The following PLG variants were observed in gnomAD, a reference collection of about 807,000 sequenced individuals.
The protein encoded by PLG is plasminogen.
A neutral mutation model predicts 104.4 loss-of-function variants in PLG; 41 were observed. The observed-to-expected ratio is 0.39, with a 90% CI of 0.31 to 0.51. The LOEUF (loss-of-function observed/expected upper bound fraction) is 0.51. Ranked by LOEUF, PLG falls within the 20% of genes least tolerant of loss-of-function variation. The probability of loss-of-function intolerance (pLI) is 0.76; values close to 1 mark genes in which losing one functional copy is unlikely to be tolerated. For synonymous variants in PLG, 337 were observed against 357.1 expected (o/e 0.94, Z 0.63); for missense variants, 891 against 1,003.6 (o/e 0.89, Z 1.52).
chr6:160,724,538 G>GA lies in PLG; in HGVS notation c.1256+1978dup, dbSNP rs2115168793. On this transcript the variant is annotated intron_variant, in intron 10 of 18. Coordinates refer to ENST00000308192, the MANE Select transcript of PLG (RefSeq NM_000301.5). This position sits in a 1 kb window ranked among gnomAD's most constrained non-coding sequence, Gnocchi z 5.0. Reference sequence around the variant, plus strand: ...AAGAGAGGAAAGAGATATTGGGACAGAAAAAAATACTTGAAGCAACAAGAA... The same window carrying GA: ...AAGAGAGGAAAGAGATATTGGGACAGAAAAAAAATACTTGAAGCAACAAGAA... 6.6e-6 allele frequency among the ~76,000 whole-genome samples: 1 copy of GA among 152,100 alleles called. No homozygotes were observed. The highest frequency in any genetic ancestry group is 1.9e-4 in the East Asian group (1 of 5,174).
chr6:160,748,421 A>AGAAAGAAAGG (rs1778330567), intron 17 of PLG, among the ~76,000 whole-genome samples: 1 of 102,598 alleles, frequency 9.7e-6, no homozygotes, highest in African/African-American at 3.5e-5. Flanking sequence ...AGAAAGGGAA[A>AGAAAGAAAGG]GAAAGAGAAC....
chr6:160,728,529 A>C (rs1305273463), intron 10 of PLG, among the ~76,000 whole-genome samples: 5 of 152,124 alleles, frequency 3.3e-5, no homozygotes, highest in Non-Finnish European at 5.9e-5. Context: ...TACAGTAAAC[A>C]AGATATGTGG....
At chr6:160,733,136 G>A (rs542759930) in intron 12 of PLG, among the ~76,000 whole-genome samples, 11 of 152,288 alleles carry the variant, frequency 7.2e-5, no homozygotes, top group African/African-American at 1.2e-4. Context: ...TAGGAGCTCC[G>A]TGTCAGGAAC....
chr6:160,711,026 T>A (rs779546681), intron 3 of PLG, 51 bp from the exon 4 acceptor site: 1 of 1,594,812 alleles, frequency 6.3e-7, no homozygotes. Flanking sequence ...GTGCAGACCT[T>A]CATGTGGTGT....
At position 160,740,044 on chromosome 6, in the gene PLG, G is replaced by C. The variant is rs200958073; in HGVS notation, c.2018+836G>C. Among the ~76,000 whole-genome samples the C allele has an allele frequency of 2.6e-5, 4 of 152,284 alleles. No individual in the cohort carries two copies. The highest frequency in any genetic ancestry group is 5.9e-5 in the Non-Finnish European group (4 of 68,016). On this transcript the variant is annotated intron_variant, in intron 16 of 18. Transcript: ENST00000308192. This position sits in a 1 kb window ranked among gnomAD's most constrained non-coding sequence, Gnocchi z 5.2. The stretch of plus-strand genomic sequence containing the variant: ...AGGTTTGGGACAGGTGACAAGGCAC[G>C]CAGGGCGCTCGCTGTGCTGGTGGTT...
In PLG at chr6:160,719,344, T is replaced by C. The variant is rs574252029; in HGVS notation, c.1096+506T>C. Among the ~76,000 whole-genome samples, 14 of 152,344 alleles carry C rather than the reference T, an allele frequency of 9.2e-5. No homozygotes were observed. Among genetic ancestry groups the C allele is most frequent in the African/African-American group, 3.4e-4 (14 of 41,578 alleles). ...TCTTTATGTAATGTTTCTTCTTATC[T>C]CTGGGAATATTTCTTCTTCTGAAGT... On this transcript the variant is annotated intron_variant, in intron 9 of 18. Coordinates refer to ENST00000308192, the MANE Select transcript of PLG (RefSeq NM_000301.5). The surrounding 1 kb of genome is among the most constrained non-coding windows in gnomAD (Gnocchi z 4.1).
In PLG at chr6:160,731,078, T is replaced by C. The variant is rs1438349318; in HGVS notation, c.1284T>C (p.Asn428=). 1.9e-6 allele frequency: 3 copies of C among 1,613,942 alleles called. No homozygotes were observed. The African/African-American group carries it at 4.0e-5, about 22-fold the overall frequency. The part of the protein sequence containing the change: ...NAGLTMNYCR[N]PDADKGPWCF... ...GCCTGACAATGAACTACTGCAGGAA[T>C]CCAGATGCCGATAAAGGCCCCTGGT... Residue 428 remains asparagine (N), a synonymous_variant, in exon 11 of 19, where the codon AAT becomes AAC. Transcript: ENST00000308192. The surrounding 1 kb of genome is among the most constrained non-coding windows in gnomAD (Gnocchi z 5.1).
rs1024075668 is a variant in PLG, at chr6:160,740,541, G to C, written c.2019-770G>C. Among the ~76,000 whole-genome samples the C allele has an allele frequency of 6.6e-6, 1 of 152,160 alleles. No homozygotes were observed. Among genetic ancestry groups the C allele is most frequent in the African/African-American group, 2.4e-5 (1 of 41,434 alleles). On this transcript the variant is annotated intron_variant, in intron 16 of 18. Transcript: ENST00000308192. This position sits in a 1 kb window ranked among gnomAD's most constrained non-coding sequence, Gnocchi z 5.2. ...TAGAGTGAGGACGTCTGCATGACAGGCTGGGCCTTCTGATGATGCTCAGAA... is the reference window on the plus strand; with the variant it reads ...TAGAGTGAGGACGTCTGCATGACAGCCTGGGCCTTCTGATGATGCTCAGAA...
In PLG at chr6:160,738,311, G is replaced by A; in HGVS notation, c.1803-227G>A. The A allele has an allele frequency of 3.6e-6, 2 of 553,684 alleles. No homozygotes were observed. Among genetic ancestry groups the A allele is most frequent in the Non-Finnish European group, 6.6e-6 (2 of 301,022 alleles). The allele number at this position is 553,684 out of a possible 1,614,324, so 34.3% of individuals were successfully genotyped here. A position where few individuals can be genotyped will look rare whatever the true frequency, so the allele number is the denominator to read the frequency against. ...TCTCCTGTGGACAGGCCATGCCTGT[G>A]CCTCCCCCAAGCATCGGAAAAATTG... On this transcript the variant is annotated intron_variant, in intron 14 of 18. Coordinates refer to ENST00000308192, the MANE Select transcript of PLG (RefSeq NM_000301.5). This position sits in a 1 kb window ranked among gnomAD's most constrained non-coding sequence, Gnocchi z 6.8.
intron 10 of PLG, 151 bp from the exon 11 acceptor site, chr6:160,730,900 C>T: frequency 4.1e-6 from 3 of 727,788 alleles, no homozygotes; most frequent in Admixed American, 2.4e-5. Flanking sequence ...AAGTTGAGGA[C>T]CATTTTTGTT....
chr6:160,703,356 A>T (rs905369700), intron 1 of PLG, among the ~76,000 whole-genome samples: 3 of 152,178 alleles, frequency 2.0e-5, no homozygotes, highest in Non-Finnish European at 4.4e-5. Context: ...AGATATTGAG[A>T]GTTGTGCAGC....
Position 160,726,283 on chromosome 6 carries a change from C to CA in PLG, c.1256+3723dup, listed in dbSNP as rs1199014095. Reference sequence around the variant, plus strand: ...ACAGAATTAAATGAGATATAAATAACAAAAAAATTGGGAAATTATCAAATA... The same window carrying CA: ...ACAGAATTAAATGAGATATAAATAACAAAAAAAATTGGGAAATTATCAAATA... On this transcript the variant is annotated intron_variant, in intron 10 of 18. Coordinates refer to ENST00000308192, the MANE Select transcript of PLG (RefSeq NM_000301.5). This position sits in a 1 kb window ranked among gnomAD's most constrained non-coding sequence, Gnocchi z 4.4. Among the ~76,000 whole-genome samples the CA allele has an allele frequency of 2.0e-5, 3 of 151,790 alleles. No individual in the cohort carries two copies. The highest frequency in any genetic ancestry group is 2.1e-4 in the South Asian group (1 of 4,816).
Position 160,714,911 on chromosome 6 carries a change from C to T in PLG, c.665C>T (p.Ser222Phe), listed in dbSNP as rs566440089. Residue 222 changes from serine to phenylalanine, a missense_variant, in exon 6 of 19, where the codon TCC (serine) becomes TTC (phenylalanine). By Grantham distance (155) the Ser-to-Phe change is radical. Transcript: ENST00000308192. ...QSPHAHGYIP[S>F]KFPNKNLKKN... is the part of the protein sequence containing the mutation. Reference sequence around the variant, plus strand: ...CCACACGCTCATGGATACATTCCTTCCAAGTAAGTCTCACTGGGAAAAACA... The same window carrying T: ...CCACACGCTCATGGATACATTCCTTTCAAGTAAGTCTCACTGGGAAAAACA... 18 of 1,613,610 alleles carry T rather than the reference C, an allele frequency of 1.1e-5. No individual in the cohort carries two copies. Among genetic ancestry groups the T allele is most frequent in the Middle Eastern group, 1.7e-4 (1 of 6,024 alleles).
chr6:160,740,662 C>T lies in PLG; in HGVS notation c.2019-649C>T, dbSNP rs1031331406. On this transcript the variant is annotated intron_variant, in intron 16 of 18. Coordinates refer to ENST00000308192, the MANE Select transcript of PLG (RefSeq NM_000301.5). This position sits in a 1 kb window ranked among gnomAD's most constrained non-coding sequence, Gnocchi z 5.2. ...CCAATCCTTTATCCTCTTGAACTTACTAAAGTAGAATCAGGTCTAAAAACC... is the reference window on the plus strand; with the variant it reads ...CCAATCCTTTATCCTCTTGAACTTATTAAAGTAGAATCAGGTCTAAAAACC... Among the ~76,000 whole-genome samples the T allele has an allele frequency of 6.6e-6, 1 of 152,228 alleles. No homozygotes were observed. The highest frequency in any genetic ancestry group is 1.5e-5 in the Non-Finnish European group (1 of 68,036).
rs760613998 is a variant in PLG, at chr6:160,731,936, A to G, written c.1587+43A>G. 6.2e-6 allele frequency: 10 copies of G among 1,602,262 alleles called. No individual in the cohort carries two copies. Among genetic ancestry groups the G allele is most frequent in the South Asian group, 1.1e-5 (1 of 90,830 alleles). On this transcript the variant is annotated intron_variant, in intron 12 of 18. Coordinates refer to ENST00000308192, the MANE Select transcript of PLG (RefSeq NM_000301.5). This position sits in a 1 kb window ranked among gnomAD's most constrained non-coding sequence, Gnocchi z 5.1. ...GGACTCTTTGGCCTTTTGCTCACCA[A>G]TCTTTGCAAACAGAATTGGTTCTGT...
chr6:160,708,289 TG>T (rs1777569478), intron 3 of PLG: 1 of 154,588 alleles, frequency 6.5e-6, no homozygotes, highest in African/African-American at 2.4e-5. Context: ...TTTCACATTT[TG>T]GGGGACATGG....
rs758462899 is a variant in PLG at position 160,714,764 on chromosome 6, C to G, written c.548-30C>G. On this transcript the variant is annotated intron_variant, in intron 5 of 18. Transcript: ENST00000308192. ...TTCATCCATTTCAGTTTTCTTCTTC[C>G]TCTCTGTCCTTCCTTCCCACTCTGT... is the stretch of plus-strand genomic sequence containing the variant. 5 of 1,611,970 alleles carry G rather than the reference C, an allele frequency of 3.1e-6. No homozygotes were observed. The Admixed American group carries it at 8.3e-5, about 27-fold the overall frequency.
chr6:160,705,371 G>C (rs545904955), intron 1 of PLG: 3 of 151,840 alleles, frequency 2.0e-5, no homozygotes, highest in African/African-American at 4.8e-5. Context: ...AGCAGCTTTC[G>C]GACAGATTCG....
chr6:160,748,417 G>GAAAGGGAAA (rs1554252983), intron 17 of PLG, among the ~76,000 whole-genome samples: 1 of 62,360 alleles, frequency 1.6e-5, no homozygotes, highest in African/African-American at 6.4e-5. Context: ...AGAAAGAAAG[G>GAAAGGGAAA]GAAAGAAAGA....
Sources: gnomAD v4.1 joint callset for allele counts (sites outside exome capture counted in the v4.1 genomes callset) on GRCh38, gnomAD v4.1.1 for gene constraint, Gnocchi (gnomAD v3.1) non-coding constraint, MANE v1.5 for transcripts, NCBI Gene and HGNC (gene_info 2026-07-23, HGNC 2026-07-21) for gene names.